DCAF5: variants seen among roughly 807,000 people sequenced by gnomAD.
DCAF5 encodes DDB1- and CUL4-associated factor 5.
Under a neutral mutation model 80.7 loss-of-function variants are expected in DCAF5, and 9 were observed. The observed-to-expected ratio is 0.11, with a 90% CI of 0.07 to 0.19. The LOEUF (loss-of-function observed/expected upper bound fraction) is 0.19, where lower values mean the gene tolerates loss of function less well. DCAF5 is among the 10% of genes least tolerant of loss of function. The probability of loss-of-function intolerance (pLI) is 1.00; values close to 1 mark genes in which losing one functional copy is unlikely to be tolerated. For missense variants in DCAF5, 842 were observed against 1,205.7 expected (o/e 0.70, Z 4.47); for synonymous variants, 433 against 461.9 (o/e 0.94, Z 0.80).
At chr14:69,125,050 A>C (rs2040833332) in intron 1 of DCAF5, among the ~76,000 whole-genome samples, 1 of 152,230 alleles carries the variant, frequency 6.6e-6, no homozygotes, top group South Asian at 2.1e-4. Flanking sequence ...TAGATGATAA[A>C]GCCAAGTACA....
chr14:69,140,272 AAAAG>A (rs1285089609), intron 1 of DCAF5, among the ~76,000 whole-genome samples: 5 of 152,110 alleles, frequency 3.3e-5, no homozygotes, highest in East Asian at 3.9e-4. Flanking sequence ...GTCTAAAAAA[AAAAG>A]AGAGAGAGAG....
In DCAF5 at chr14:69,054,753, T is replaced by C; in HGVS notation, c.1933A>G (p.Ser645Gly). The C allele has an allele frequency of 6.2e-7, 1 of 1,614,226 alleles. No homozygotes were observed. Among genetic ancestry groups the C allele is most frequent in the Non-Finnish European group, 8.5e-7 (1 of 1,180,042 alleles). Residue 645 changes from serine to glycine, a missense_variant, in exon 9 of 9, where the codon AGC (serine) becomes GGC (glycine). Coordinates refer to ENST00000341516, the MANE Select transcript of DCAF5 (RefSeq NM_003861.3). Reference protein sequence around the residue: ...RSTSTLEIQPSRASPTSDIES... With the variant: ...RSTSTLEIQPGRASPTSDIES... ...ATGTCAGAAGTTGGTGATGCCCGGC[T>C]TGGTTGAATCTCTAGCGTGGAAGTG...
At chr14:69,135,825 A>C (rs1437254627) in intron 1 of DCAF5, among the ~76,000 whole-genome samples, 1 of 152,246 alleles carries the variant, frequency 6.6e-6, no homozygotes, top group African/African-American at 2.4e-5. Context: ...AAATGTGTCA[A>C]GATTTGGAAA....
chr14:69,070,648 A>G (rs2038650390), intron 7 of DCAF5, among the ~76,000 whole-genome samples: 1 of 152,082 alleles, frequency 6.6e-6, no homozygotes, highest in African/African-American at 2.4e-5. Flanking sequence ...TGGTCTACTT[A>G]TTTTATTTTC....
intron 1 of DCAF5, among the ~76,000 whole-genome samples, chr14:69,129,542 C>G (rs1199964473): frequency 6.6e-6 from 1 of 152,196 alleles, no homozygotes; most frequent in Non-Finnish European, 1.5e-5. Flanking sequence ...GCAAAAGCAG[C>G]TCTACAATTG....
rs754862962 is a variant in DCAF5 at position 69,152,740 on chromosome 14, G to A, written c.214+25C>T. 3 of 1,593,924 alleles carry A rather than the reference G, an allele frequency of 1.9e-6. No homozygotes were observed. The highest frequency in any genetic ancestry group is 2.6e-6 in the Non-Finnish European group (3 of 1,168,544). ...AGGCTGGGAGGGTGCGGGGAGGCGC[G>A]GGGAGGGGAAGGGGGTTGATTTACC... On this transcript the variant is annotated intron_variant, in intron 1 of 8. Coordinates refer to ENST00000341516, the MANE Select transcript of DCAF5 (RefSeq NM_003861.3). The surrounding 1 kb of genome is among the most constrained non-coding windows in gnomAD (Gnocchi z 4.1).
chr14:69,120,129 G>A (rs897483873), intron 2 of DCAF5, among the ~76,000 whole-genome samples: 5 of 151,966 alleles, frequency 3.3e-5, no homozygotes, highest in African/African-American at 7.3e-5. Flanking sequence ...TGTTGTCCAG[G>A]CTGGAGTGCA....
chr14:69,144,296 G>C (rs1323603260), intron 1 of DCAF5, among the ~76,000 whole-genome samples: 3 of 152,190 alleles, frequency 2.0e-5, no homozygotes, highest in African/African-American at 4.8e-5. Context: ...CACAAGGCCA[G>C]GCGCGGTGGC....
chr14:69,066,380 C>T (rs1487415658), intron 7 of DCAF5, among the ~76,000 whole-genome samples: 4 of 152,114 alleles, frequency 2.6e-5, no homozygotes, highest in Non-Finnish European at 4.4e-5. Context: ...CATAATCTGC[C>T]CGCCTTGGCC....
intron 8 of DCAF5, among the ~76,000 whole-genome samples, chr14:69,060,399 T>C (rs559794747): frequency 6.6e-6 from 1 of 152,328 alleles, no homozygotes; most frequent in East Asian, 1.9e-4. Flanking sequence ...GTAAAAATGA[T>C]TTCCTCATTC....
chr14:69,114,885 A>G (rs2040493903), intron 5 of DCAF5, among the ~76,000 whole-genome samples: 1 of 152,174 alleles, frequency 6.6e-6, no homozygotes, highest in South Asian at 2.1e-4. Context: ...GAATTAAAAT[A>G]TCCACACTCC....
chr14:69,062,598 T>C, intron 7 of DCAF5, 87 bp from the exon 8 acceptor site: 2 of 1,487,256 alleles, frequency 1.3e-6, no homozygotes, highest in Non-Finnish European at 9.2e-7. Flanking sequence ...CAGCTCTGAA[T>C]GGGAGCAAAG....
intron 7 of DCAF5, among the ~76,000 whole-genome samples, chr14:69,065,985 G>A (rs1005213655): frequency 2.0e-5 from 3 of 152,106 alleles, no homozygotes; most frequent in Admixed American, 1.3e-4. Context: ...TGACTGAATC[G>A]CTAATAATGG....
At chr14:69,057,546 T>C (rs1269084521) in intron 8 of DCAF5, among the ~76,000 whole-genome samples, 1 of 152,244 alleles carries the variant, frequency 6.6e-6, no homozygotes, top group Admixed American at 6.5e-5. Flanking sequence ...TAAGCCCATT[T>C]TTAAGTTCCA....
In DCAF5 at chr14:69,062,366, A is replaced by C; in HGVS notation, c.1074+18T>G. The C allele has an allele frequency of 6.2e-7, 1 of 1,611,984 alleles. No individual in the cohort carries two copies. The highest frequency in any genetic ancestry group is 8.5e-7 in the Non-Finnish European group (1 of 1,178,880). ...TGTGAGAATTTCTCTAAAAGGACAG[A>C]AGGGGAAGGTGCCTCACCTTGATAA... is the stretch of plus-strand genomic sequence containing the variant. On this transcript the variant is annotated intron_variant, in intron 8 of 8. Transcript: ENST00000341516.
intron 8 of DCAF5, among the ~76,000 whole-genome samples, chr14:69,058,876 CAAAAAA>C (rs541099480): frequency 1.8e-5 from 1 of 54,884 alleles, no homozygotes; most frequent in Non-Finnish European, 3.8e-5. Context: ...GATCCTGTCT[CAAAAAA>C]AAAAAAAAAA....
intron 6 of DCAF5, among the ~76,000 whole-genome samples, chr14:69,082,671 G>A (rs1445269193): frequency 6.6e-6 from 1 of 152,198 alleles, no homozygotes; most frequent in Non-Finnish European, 1.5e-5. Context: ...TTCAGTTTTT[G>A]TATGTGAGGA....
At chr14:69,070,699 T>C (rs773499953) in intron 7 of DCAF5, among the ~76,000 whole-genome samples, 5 of 152,224 alleles carry the variant, frequency 3.3e-5, no homozygotes, top group Non-Finnish European at 7.3e-5. Flanking sequence ...CTACCTACTT[T>C]AGAGGTCTTA....
chr14:69,114,547 A>C (rs2040479397), intron 5 of DCAF5, among the ~76,000 whole-genome samples: 1 of 152,228 alleles, frequency 6.6e-6, no homozygotes, highest in Non-Finnish European at 1.5e-5. Context: ...AGTTCTGGAA[A>C]GATAAGAAAC....
Sources: allele counts gnomAD v4.1 joint callset (sites outside exome capture counted in the v4.1 genomes callset), GRCh38; gene constraint gnomAD v4.1.1; non-coding constraint Gnocchi (gnomAD v3.1); transcripts MANE v1.5; gene names NCBI Gene and HGNC (gene_info 2026-07-23, HGNC 2026-07-21).